The following TYW1 variants were observed in gnomAD, a reference collection of about 807,000 sequenced individuals.
TYW1 encodes tRNA-yW synthesizing protein 1 homolog.
Under a neutral mutation model 96.2 loss-of-function variants are expected in TYW1, and 46 were observed. The ratio of observed to expected loss-of-function variants is 0.48; its 90% CI spans 0.38 to 0.61. The LOEUF (loss-of-function observed/expected upper bound fraction) is 0.61. Ranked by LOEUF, TYW1 falls within the 20% of genes least tolerant of loss-of-function variation. The probability of loss-of-function intolerance (pLI) is 0.00; values close to 1 mark genes in which losing one functional copy is unlikely to be tolerated. For missense variants in TYW1, 684 were observed against 909.6 expected, an observed-to-expected ratio of 0.75 and a Z score of 3.19; for synonymous variants, 274 against 323.0, an observed-to-expected ratio of 0.85 and a Z score of 1.63.
intron 11 of TYW1, among the ~76,000 whole-genome samples, chr7:67,090,299 G>T (rs1427972429): frequency 6.6e-6 from 1 of 152,218 alleles, no homozygotes; most frequent in African/African-American, 2.4e-5. Context: ...TCGTTGGGAA[G>T]ATTTTTGGCC....
intron 10 of TYW1, among the ~76,000 whole-genome samples, chr7:67,076,962 C>T (rs181361493): frequency 6.6e-4 from 100 of 151,396 alleles, no homozygotes; most frequent in African/African-American, 1.9e-3. Context: ...TTAGTAGAGA[C>T]GGGATTTCAC....
chr7:67,216,932 C>T (rs73135118), intron 15 of TYW1, among the ~76,000 whole-genome samples: 34,458 of 144,636 alleles, frequency 0.24, 3,194 homozygotes, highest in African/African-American at 0.3. Flanking sequence ...AGTGGTCTGC[C>T]TTATATTTAT....
At chr7:67,182,559 T>TA (rs1216628695) in intron 13 of TYW1, among the ~76,000 whole-genome samples, 1 of 151,984 alleles carries the variant, frequency 6.6e-6, no homozygotes, top group Non-Finnish European at 1.5e-5. Flanking sequence ...ACCCTGTCTC[T>TA]AAAAAAATAA....
At chr7:67,058,539 G>C (rs1373842584) in intron 9 of TYW1, among the ~76,000 whole-genome samples, 4 of 152,010 alleles carry the variant, frequency 2.6e-5, no homozygotes. Context: ...CTATAGTGTA[G>C]TGGTGCAATT....
At chr7:67,086,381 T>C (rs1332282419) in intron 11 of TYW1, among the ~76,000 whole-genome samples, 2 of 152,194 alleles carry the variant, frequency 1.3e-5, no homozygotes. Flanking sequence ...TTATTTTCCT[T>C]TGGAGAGTGT....
In TYW1 at chr7:67,197,568, C is replaced by T. The variant is rs139895796; in HGVS notation, c.1977+2231C>T. On this transcript the variant is annotated intron_variant, in intron 15 of 15. Coordinates refer to ENST00000359626, the MANE Select transcript of TYW1 (RefSeq NM_018264.4). Reference sequence around the variant, plus strand: ...TTCGACCTCCTGACCTCAAGTGATACACCTGTCTCAGTCTCCCAAAGTGCT... The same window carrying T: ...TTCGACCTCCTGACCTCAAGTGATATACCTGTCTCAGTCTCCCAAAGTGCT... Among the ~76,000 whole-genome samples the T allele has an allele frequency of 4.9e-3, 745 of 152,306 alleles. 5 individuals carry two copies. The highest frequency in any genetic ancestry group is 0.017 in the African/African-American group (713 of 41,556).
intron 3 of TYW1, among the ~76,000 whole-genome samples, chr7:67,006,015 G>C (rs887892039): frequency 2.0e-5 from 3 of 152,070 alleles, no homozygotes; most frequent in Non-Finnish European, 4.4e-5. Context: ...GTGTTAGTCT[G>C]TTTTGCATTG....
chr7:67,159,839 A>C (rs1815099), intron 13 of TYW1, among the ~76,000 whole-genome samples: 37,398 of 151,096 alleles, frequency 0.25, 4,747 homozygotes, highest in South Asian at 0.3. Flanking sequence ...CTTGCTCTGT[A>C]GCCCAGGCTG....
At position 67,153,925 on chromosome 7, in the gene TYW1, C is replaced by CTTT. The variant is rs34003922; in HGVS notation, c.1699-29183_1699-29181dup. Among the ~76,000 whole-genome samples, 144 of 130,332 alleles carry CTTT rather than the reference C, an allele frequency of 1.1e-3. 2 individuals are homozygous for CTTT. The highest frequency in any genetic ancestry group is 4.6e-3 in the East Asian group (19 of 4,142). The allele number at this position is 130,332 out of a possible 152,430, so 85.5% of individuals were successfully genotyped here. ...ATATGTCATTCATTTTAACGACTTT[C>CTTT]TTTTTTTTTTTTTTTTTTTTGAGAC... On this transcript the variant is annotated intron_variant, in intron 13 of 15. Transcript: ENST00000359626.
chr7:67,227,821 A>G (rs748714944), intron 15 of TYW1, among the ~76,000 whole-genome samples: 2 of 152,178 alleles, frequency 1.3e-5, no homozygotes, highest in African/African-American at 4.8e-5. Flanking sequence ...CGATAGGACA[A>G]CCGGAAGCTC....
At chr7:67,062,043 T>G (rs2115636545) in intron 9 of TYW1, among the ~76,000 whole-genome samples, 1 of 152,308 alleles carries the variant, frequency 6.6e-6, no homozygotes, top group East Asian at 1.9e-4. Flanking sequence ...CACCAATCAG[T>G]TTTTAAAATA....
chr7:67,115,758 A>G (rs534610754), intron 12 of TYW1, among the ~76,000 whole-genome samples: 12 of 152,338 alleles, frequency 7.9e-5, no homozygotes, highest in African/African-American at 2.6e-4. Context: ...ACTGATACAT[A>G]TATAAAGCAC....
At chr7:67,221,480 A>G (rs969832709) in intron 15 of TYW1, among the ~76,000 whole-genome samples, 6 of 152,178 alleles carry the variant, frequency 3.9e-5, no homozygotes, top group African/African-American at 1.4e-4. Flanking sequence ...TTTAATTAAT[A>G]TTCATCGAAA....
In TYW1 at chr7:67,098,569, T is replaced by G. The variant is rs1254478078; in HGVS notation, c.1413T>G (p.Phe471Leu). The change falls in exon 12 of 16, where the codon TTT becomes TTG. Residue 471 changes from phenylalanine (F) to leucine (L), a missense_variant. Physicochemically the swap from Phe to Leu is conservative, Grantham distance 22. Transcript: ENST00000359626. ...TACCGGGCGTCAAAGCAGAACGCTT[T>G]GAAGAAGGAATGACGGTAAAGCACT... ...KGVPGVKAERFEEGMTVKHCA... is the reference protein window; with the variant it reads ...KGVPGVKAERLEEGMTVKHCA... 1.3e-5 allele frequency: 20 copies of G among 1,597,388 alleles called. No homozygotes were observed. Among genetic ancestry groups the G allele is most frequent in the Non-Finnish European group, 1.5e-5 (18 of 1,169,632 alleles).
At chr7:67,203,343 T>C (rs1204731870) in intron 15 of TYW1, among the ~76,000 whole-genome samples, 2 of 152,252 alleles carry the variant, frequency 1.3e-5, no homozygotes, top group East Asian at 1.9e-4. Context: ...GTGTTTCTTA[T>C]AGGCAACATA....
intron 10 of TYW1, among the ~76,000 whole-genome samples, chr7:67,079,051 T>C (rs962366603): frequency 3.9e-5 from 6 of 152,156 alleles, no homozygotes; most frequent in African/African-American, 1.4e-4. Flanking sequence ...CCTTTTCTTT[T>C]TTGTTGTGTT....
chr7:67,061,525 A>G (rs1234201038), intron 9 of TYW1, among the ~76,000 whole-genome samples: 2 of 152,170 alleles, frequency 1.3e-5, no homozygotes, highest in Non-Finnish European at 2.9e-5. Context: ...GTACAATCTT[A>G]AGGATCTTTG....
Position 67,130,651 on chromosome 7 carries a change from G to A in TYW1, c.1698+13033G>A, listed in dbSNP as rs543208262. ...TGCACTCCAGCCTGGGCGACAGAGCGAGACTCTTAACTCAAAAAAAAAAAA... is the reference window on the plus strand; with the variant it reads ...TGCACTCCAGCCTGGGCGACAGAGCAAGACTCTTAACTCAAAAAAAAAAAA... On this transcript the variant is annotated intron_variant, in intron 13 of 15. Coordinates refer to ENST00000359626, the MANE Select transcript of TYW1 (RefSeq NM_018264.4). Among the ~76,000 whole-genome samples, 9 of 150,308 alleles carry A rather than the reference G, an allele frequency of 6.0e-5. No homozygotes were observed. In the East Asian group the frequency reaches 1.6e-3, roughly 26 times the overall value.
At chr7:67,093,950 T>C (rs1048049079) in intron 11 of TYW1, among the ~76,000 whole-genome samples, 3 of 152,230 alleles carry the variant, frequency 2.0e-5, no homozygotes, top group Admixed American at 6.5e-5. Flanking sequence ...TACCCATTAC[T>C]CAAATAGTGA....
Sources: allele counts gnomAD v4.1 joint callset (sites outside exome capture counted in the v4.1 genomes callset), GRCh38; gene constraint gnomAD v4.1.1; transcripts MANE v1.5; gene names NCBI Gene and HGNC (gene_info 2026-07-23, HGNC 2026-07-21).